NPAS2: variants seen among roughly 807,000 people sequenced by gnomAD.
The protein encoded by NPAS2 is neuronal PAS domain protein 2, also known as neuronal PAS domain-containing protein 2.
NPAS2 carries 23 observed loss-of-function variants against 107.5 expected under a neutral mutation model. The observed-to-expected ratio is 0.21, with a 90% CI of 0.15 to 0.30. NPAS2 has a LOEUF of 0.30. Among genes scored for constraint, NPAS2 ranks in the 10% least tolerant of loss-of-function variants. NPAS2 has a pLI of 1.00. For missense variants in NPAS2, 756 were observed against 1,043.3 expected (o/e 0.72, Z 3.79); for synonymous variants, 403 against 417.5 (o/e 0.97, Z 0.42).
chr2:100,843,228 A>G (rs575507637), intron 1 of NPAS2, among the ~76,000 whole-genome samples: 6 of 151,648 alleles, frequency 4.0e-5, no homozygotes, highest in Admixed American at 2.0e-4. Flanking sequence ...AAAAAAAAAA[A>G]AAATGCTGGC....
chr2:100,820,246 C>CGCAGCCGCGGCG lies in NPAS2; in HGVS notation c.-189_-188insAGCCGCGGCGGC, dbSNP rs1553437683. On this transcript the variant is annotated 5_prime_UTR_variant, in exon 1 of 21. Coordinates refer to ENST00000335681, the MANE Select transcript of NPAS2 (RefSeq NM_002518.4). This position sits in a 1 kb window ranked among gnomAD's most constrained non-coding sequence, Gnocchi z 5.6. Reference sequence around the variant, plus strand: ...GCCGCGGAGCCCGGAGACCCGCAGCCGCGGCGGCGGCGGCGGCGGCGGCAG... The same window carrying CGCAGCCGCGGCG: ...GCCGCGGAGCCCGGAGACCCGCAGCCGCAGCCGCGGCGGCGGCGGCGGCGGCGGCGGCGGCAG... The CGCAGCCGCGGCG allele has an allele frequency of 1.4e-5, 2 of 144,902 alleles. No individual in the cohort carries two copies. The highest frequency in any genetic ancestry group is 3.1e-5 in the Non-Finnish European group (2 of 65,494). The allele number at this position is 144,902 out of a possible 1,614,324, so 9.0% of individuals were successfully genotyped here. A position where few individuals can be genotyped will look rare whatever the true frequency, so the allele number is the denominator to read the frequency against.
At chr2:100,963,994 T>A in intron 7 of NPAS2, 64 bp from the exon 8 acceptor site, 1 of 993,208 alleles carries the variant, frequency 1.0e-6, no homozygotes, top group Non-Finnish European at 1.6e-6. Context: ...AAGTGCCAAC[T>A]AGGGATTGGC....
At chr2:100,826,039 A>G (rs1232325344) in intron 1 of NPAS2, among the ~76,000 whole-genome samples, 4 of 152,194 alleles carry the variant, frequency 2.6e-5, no homozygotes, top group African/African-American at 7.2e-5. Flanking sequence ...GTTGTAGCCA[A>G]AAGCATCCCA....
upstream of NPAS2, chr2:100,820,017 C>CGGA (rs1675972303): frequency 7.2e-6 from 1 of 138,998 alleles, no homozygotes; most frequent in Non-Finnish European, 1.6e-5. This position sits in a 1 kb window ranked among gnomAD's most constrained non-coding sequence, Gnocchi z 5.6. Flanking sequence ...ACCCCGCAGG[C>CGGA]GGAGGCAGGC....
At chr2:100,941,624 G>A (rs546009039) in intron 5 of NPAS2, among the ~76,000 whole-genome samples, 1 of 152,214 alleles carries the variant, frequency 6.6e-6, no homozygotes, top group South Asian at 2.1e-4. Context: ...ACATTTTGGT[G>A]TCTAGAATTG....
At chr2:100,828,187 A>G (rs1181046767) in intron 1 of NPAS2, among the ~76,000 whole-genome samples, 1 of 151,444 alleles carries the variant, frequency 6.6e-6, no homozygotes, top group African/African-American at 2.4e-5. Context: ...CATTTTTTTC[A>G]TGTTTGTATG....
intron 1 of NPAS2, among the ~76,000 whole-genome samples, chr2:100,875,581 C>G (rs780199494): frequency 1.4e-4 from 22 of 152,034 alleles, no homozygotes; most frequent in Admixed American, 9.8e-4. Context: ...TTAGCTGGTT[C>G]CTACACAGCG....
At chr2:100,906,848 T>A (rs1220398299) in intron 2 of NPAS2, among the ~76,000 whole-genome samples, 1 of 152,244 alleles carries the variant, frequency 6.6e-6, no homozygotes, top group Non-Finnish European at 1.5e-5. Flanking sequence ...ATTCCCATTT[T>A]ACAGGTGAGA....
intron 1 of NPAS2, among the ~76,000 whole-genome samples, chr2:100,858,281 G>T (rs779641988): frequency 6.6e-6 from 1 of 152,210 alleles, no homozygotes; most frequent in South Asian, 2.1e-4. Flanking sequence ...CGTAGAGAAA[G>T]AAAGTGATTT....
At chr2:100,948,717 A>G (rs1246812038) in intron 6 of NPAS2, among the ~76,000 whole-genome samples, 2 of 152,264 alleles carry the variant, frequency 1.3e-5, no homozygotes, top group Non-Finnish European at 1.5e-5. Context: ...CTAAATTCAT[A>G]TAATATCAAG....
intron 14 of NPAS2, 75 bp downstream of exon 14, chr2:100,975,642 C>T (rs1676937494): frequency 1.9e-6 from 2 of 1,067,508 alleles, no homozygotes; most frequent in Non-Finnish European, 2.7e-6. Context: ...AGGCGATGTG[C>T]TGCGTCTCCC....
chr2:100,945,212 T>C (rs376871006), intron 5 of NPAS2, among the ~76,000 whole-genome samples: 1 of 151,838 alleles, frequency 6.6e-6, no homozygotes, highest in African/African-American at 2.4e-5. Context: ...CCATGCTGAG[T>C]CCTTCCTTTC....
At chr2:100,844,930 A>G (rs1677678418) in intron 1 of NPAS2, among the ~76,000 whole-genome samples, 1 of 152,162 alleles carries the variant, frequency 6.6e-6, no homozygotes, top group Admixed American at 6.5e-5. Flanking sequence ...CCAAATGAGA[A>G]CAAGCAGAGG....
At chr2:100,958,477 G>A (rs1254107494) in intron 7 of NPAS2, among the ~76,000 whole-genome samples, 7 of 152,304 alleles carry the variant, frequency 4.6e-5, no homozygotes. Context: ...AGAGTGGGAA[G>A]CAGAGTGTCC....
chr2:100,873,293 TATATATATATATATACAC>T (rs1209593067), intron 1 of NPAS2, among the ~76,000 whole-genome samples: 65 of 45,744 alleles, frequency 1.4e-3, no homozygotes, highest in African/African-American at 3.7e-3. Context: ...TATATATATA[TATATATATATATATACAC>T]ACACACACAC....
At position 100,964,052 on chromosome 2, in the gene NPAS2, C is replaced by T; in HGVS notation, c.599-6C>T. On this transcript the variant is annotated splice_polypyrimidine_tract_variant and splice_region_variant and intron_variant, in intron 7 of 20. Transcript: ENST00000335681. ...CCTATGTGTCCTCTTCTTCCCAACC[C>T]CCCAGTGCCTAGCCCCTCCTGTAAT... 3 of 1,596,978 alleles carry T rather than the reference C, an allele frequency of 1.9e-6. No homozygotes were observed. The highest frequency in any genetic ancestry group is 2.6e-6 in the Non-Finnish European group (3 of 1,164,268).
At chr2:100,857,590 T>C (rs1478867024) in intron 1 of NPAS2, among the ~76,000 whole-genome samples, 20 of 152,170 alleles carry the variant, frequency 1.3e-4, no homozygotes, top group Admixed American at 1.3e-3. Context: ...TCACTAGATA[T>C]GTGTTTCAGG....
chr2:100,862,889 C>T (rs1010862984), intron 1 of NPAS2, among the ~76,000 whole-genome samples: 1 of 152,188 alleles, frequency 6.6e-6, no homozygotes, highest in African/African-American at 2.4e-5. Flanking sequence ...ATGTGAGTGA[C>T]CCTCTTCTTA....
At chr2:100,828,080 G>T (rs1199987889) in intron 1 of NPAS2, among the ~76,000 whole-genome samples, 1 of 147,158 alleles carries the variant, frequency 6.8e-6, no homozygotes, top group Non-Finnish European at 1.5e-5. Flanking sequence ...TCCAGCATGT[G>T]TTTTTTGACT....
Sources: gnomAD v4.1 joint callset for allele counts (sites outside exome capture counted in the v4.1 genomes callset) on GRCh38, gnomAD v4.1.1 for gene constraint, Gnocchi (gnomAD v3.1) non-coding constraint, MANE v1.5 for transcripts, NCBI Gene and HGNC (gene_info 2026-07-23, HGNC 2026-07-21) for gene names.